Variants in KMO observed in about 807,000 individuals in gnomAD.
KMO encodes the protein kynurenine 3-hydroxylase.
KMO carries 24 observed loss-of-function variants against 57.8 expected under a neutral mutation model. The ratio of observed to expected loss-of-function variants is 0.42; its 90% CI spans 0.30 to 0.58. KMO has a LOEUF of 0.58. KMO is among the 20% of genes least tolerant of loss of function. The pLI is 0.22. For synonymous variants in KMO, 210 were observed against 193.6 expected (o/e 1.08, Z -0.70); for missense variants, 483 against 588.2 (o/e 0.82, Z 1.85).
rs576475300 is a variant in KMO, at chr1:241,589,092, T to C, written c.1098+262T>C. 2.6e-5 allele frequency among the ~76,000 whole-genome samples: 4 copies of C among 152,340 alleles called. No homozygotes were observed. The South Asian group carries it at 8.3e-4, about 32-fold the overall frequency. On this transcript the variant is annotated intron_variant, in intron 12 of 14. Coordinates refer to ENST00000366559, the MANE Select transcript of KMO (RefSeq NM_003679.5). ...ACAAAACCTCTGATAATTCACATGC[T>C]TTTATCTTAGACATTTAGCAATATG...
At chr1:241,565,798 CT>C (rs1662053293) in intron 8 of KMO, among the ~76,000 whole-genome samples, 3 of 152,132 alleles carry the variant, frequency 2.0e-5, no homozygotes, top group Non-Finnish European at 4.4e-5. Flanking sequence ...AGCTGTTTCT[CT>C]GGTTGGGGTC....
intron 5 of KMO, among the ~76,000 whole-genome samples, chr1:241,556,147 G>A (rs1330920569): frequency 6.6e-6 from 1 of 152,178 alleles, no homozygotes; most frequent in South Asian, 2.1e-4. Flanking sequence ...ATTGCCTAAA[G>A]TTTTTAGAGA....
intron 14 of KMO, 119 bp from the exon 15 acceptor site, chr1:241,591,831 ATTG>A: frequency 1.3e-6 from 1 of 750,302 alleles, no homozygotes; most frequent in South Asian, 1.7e-5. Context: ...ATGCAAGTAA[ATTG>A]TTGTTTCAGG....
At chr1:241,569,912 G>A (rs1402917189) in intron 10 of KMO, among the ~76,000 whole-genome samples, 1 of 151,920 alleles carries the variant, frequency 6.6e-6, no homozygotes, top group African/African-American at 2.4e-5. Flanking sequence ...GTGAAGTTTA[G>A]CAATTTTTCA....
chr1:241,564,015 G>A (rs1182757879), intron 7 of KMO, among the ~76,000 whole-genome samples: 1 of 152,264 alleles, frequency 6.6e-6, no homozygotes, highest in Non-Finnish European at 1.5e-5. Context: ...GGACTGCACT[G>A]TAAGGTCAAG....
chr1:241,589,342 C>T (rs1213046345), intron 12 of KMO, among the ~76,000 whole-genome samples: 2 of 151,822 alleles, frequency 1.3e-5, no homozygotes, highest in African/African-American at 4.8e-5. Context: ...CCATTTTGAA[C>T]CAGTCACATG....
intron 10 of KMO, among the ~76,000 whole-genome samples, chr1:241,586,025 T>C (rs1662966412): frequency 6.6e-6 from 1 of 151,922 alleles, no homozygotes; most frequent in Admixed American, 6.6e-5. Context: ...TAAATATAAT[T>C]CTAAAACTTA....
chr1:241,563,917 G>A (rs1359286770), intron 7 of KMO, among the ~76,000 whole-genome samples: 1 of 152,094 alleles, frequency 6.6e-6, no homozygotes, highest in Non-Finnish European at 1.5e-5. Flanking sequence ...TGGAGTTGGG[G>A]GCAAGAGATT....
At position 241,561,914 on chromosome 1, in the gene KMO, C is replaced by T. The variant is rs1292974374; in HGVS notation, c.450-253C>T. 11 of 388,378 alleles carry T rather than the reference C, an allele frequency of 2.8e-5. No individual in the cohort carries two copies. In the East Asian group the frequency reaches 5.0e-4, roughly 18 times the overall value. 24.1% of individuals were successfully genotyped at this position (388,378 alleles called of 1,614,324 possible). A position where few individuals can be genotyped will look rare whatever the true frequency, so the allele number is the denominator to read the frequency against. ...CTCCTTCATGCAGAAATCTCAAATC[C>T]TGTCACACTTCTGTGGCCTACCAAG... On this transcript the variant is annotated intron_variant, in intron 6 of 14. Coordinates refer to ENST00000366559, the MANE Select transcript of KMO (RefSeq NM_003679.5).
chr1:241,583,716 C>A (rs188021516), intron 10 of KMO, among the ~76,000 whole-genome samples: 2 of 151,922 alleles, frequency 1.3e-5, no homozygotes, highest in Admixed American at 1.3e-4. Flanking sequence ...TTTTTTGTTG[C>A]ATTATTTTTA....
intron 10 of KMO, among the ~76,000 whole-genome samples, chr1:241,584,790 A>C (rs1433423048): frequency 6.6e-6 from 1 of 152,370 alleles, no homozygotes; most frequent in Middle Eastern, 3.4e-3. Flanking sequence ...TTATAAAAAC[A>C]TAAGACATTA....
chr1:241,558,275 G>C (rs1319515759), intron 5 of KMO, among the ~76,000 whole-genome samples: 1 of 152,246 alleles, frequency 6.6e-6, no homozygotes, highest in East Asian at 1.9e-4. Context: ...CACTAGGAAT[G>C]TGCTGCATGG....
At chr1:241,577,824 A>G (rs537162074) in intron 10 of KMO, among the ~76,000 whole-genome samples, 2 of 152,268 alleles carry the variant, frequency 1.3e-5, no homozygotes, top group East Asian at 3.9e-4. Context: ...CCCAGCCTTG[A>G]CAGAGGTGGT....
chr1:241,532,861 T>C (rs1660625594), intron 1 of KMO, among the ~76,000 whole-genome samples: 1 of 152,234 alleles, frequency 6.6e-6, no homozygotes. Context: ...ATATTCATTT[T>C]AATAAAAACA....
At chr1:241,532,821 C>T (rs1316262815) in intron 1 of KMO, among the ~76,000 whole-genome samples, 1 of 152,128 alleles carries the variant, frequency 6.6e-6, no homozygotes, top group Admixed American at 6.5e-5. Context: ...CCCAAATTGG[C>T]TATGTTTTTA....
intron 14 of KMO, 126 bp downstream of exon 14, chr1:241,590,389 C>A (rs1663214146): frequency 1.3e-6 from 1 of 763,098 alleles, no homozygotes; most frequent in Non-Finnish European, 2.2e-6. Context: ...GCCTTCCAAA[C>A]AGAAACTGTC....
rs140366932 is a variant in KMO, at chr1:241,569,260, T to C, written c.957+613T>C. ...CCCTATTGTGATGCCAAATACTAGA[T>C]CTTATTCATTCTATCTAACTATTTT... is the stretch of plus-strand genomic sequence containing the variant. On this transcript the variant is annotated intron_variant, in intron 10 of 14. Coordinates refer to ENST00000366559, the MANE Select transcript of KMO (RefSeq NM_003679.5). Among the ~76,000 whole-genome samples the C allele has an allele frequency of 6.6e-5, 10 of 152,196 alleles. No homozygotes were observed. The East Asian group carries it at 1.9e-3, about 29-fold the overall frequency.
intron 10 of KMO, among the ~76,000 whole-genome samples, chr1:241,569,779 G>A (rs547882381): frequency 6.6e-5 from 10 of 151,994 alleles, no homozygotes; most frequent in Non-Finnish European, 1.3e-4. Context: ...CCCACCAAAC[G>A]AGAGTTCCCC....
chr1:241,555,657 A>G lies in KMO; in HGVS notation c.358A>G (p.Thr120Ala). ...AGAAAATCTAAACAAGGATCTATTG[A>G]CTGGTAAGTCTAATGTTTGATTCAT... ...SRENLNKDLL[T>A]AAEKYPNVKM... The change falls in exon 5 of 15, where the codon ACT becomes GCT. Residue 120 changes from threonine (T) to alanine (A), a missense_variant. Thr to Ala is a moderately conservative substitution (Grantham distance 58). Around this residue, in one of 3 missense-constraint regions of KMO, gnomAD observed 410 missense variants for 492.3 expected, o/e 0.83. Coordinates refer to ENST00000366559, the MANE Select transcript of KMO (RefSeq NM_003679.5). The G allele has an allele frequency of 6.4e-7, 1 of 1,555,996 alleles. No homozygotes were observed. Among genetic ancestry groups the G allele is most frequent in the Non-Finnish European group, 8.9e-7 (1 of 1,128,524 alleles).
Sources: gnomAD v4.1 joint callset for allele counts (sites outside exome capture counted in the v4.1 genomes callset) on GRCh38, gnomAD v4.1.1 for gene constraint, gnomAD v4.1.1 regional missense constraint, MANE v1.5 for transcripts, NCBI Gene and HGNC (gene_info 2026-07-23, HGNC 2026-07-21) for gene names.